LRMDA: variants seen among roughly 807,000 people sequenced by gnomAD.
LRMDA encodes leucine rich melanocyte differentiation associated, also known as leucine-rich melanocyte differentiation-associated protein.
A neutral mutation model predicts 29.8 loss-of-function variants in LRMDA; 18 were observed. That is an observed-to-expected ratio of 0.60 (90% confidence interval 0.42 to 0.90). The LOEUF (loss-of-function observed/expected upper bound fraction) is 0.90. Among genes scored for constraint, LRMDA ranks in the 40% least tolerant of loss-of-function variants. The pLI, the probability that LRMDA is intolerant of heterozygous loss-of-function variation, is 0.00. For synonymous variants in LRMDA, 125 were observed against 109.4 expected, an observed-to-expected ratio of 1.14 and a Z score of -0.89; for missense variants, 273 against 273.9, an observed-to-expected ratio of 1.00 and a Z score of 0.02.
intron 5 of LRMDA, among the ~76,000 whole-genome samples, chr10:76,210,756 G>A (rs371807769): frequency 2.0e-4 from 31 of 152,216 alleles, no homozygotes; most frequent in African/African-American, 5.3e-4. Flanking sequence ...CAGTTTCTCC[G>A]CATCTCTAAC....
intron 2 of LRMDA, among the ~76,000 whole-genome samples, chr10:75,779,894 G>A (rs1292647985): frequency 6.6e-6 from 1 of 152,134 alleles, no homozygotes; most frequent in Non-Finnish European, 1.5e-5. Flanking sequence ...TAGATTCTTT[G>A]CAGATATAGT....
chr10:76,212,733 G>A (rs928776659), intron 5 of LRMDA, among the ~76,000 whole-genome samples: 1 of 152,128 alleles, frequency 6.6e-6, no homozygotes, highest in Non-Finnish European at 1.5e-5. Flanking sequence ...TACATTGTGG[G>A]GACCACTAAG....
intron 2 of LRMDA, among the ~76,000 whole-genome samples, chr10:75,445,980 G>C (rs1442609206): frequency 6.6e-6 from 1 of 152,238 alleles, no homozygotes; most frequent in Non-Finnish European, 1.5e-5. Flanking sequence ...GCCGGGATGA[G>C]GGTAAAGGGC....
chr10:75,571,716 G>A lies in LRMDA; in HGVS notation c.131+133222G>A, dbSNP rs146331739. Among the ~76,000 whole-genome samples the A allele has an allele frequency of 8.9e-3, 1,354 of 152,206 alleles. 45 individuals are homozygous for A. The highest frequency in any genetic ancestry group is 5.1e-3 in the Non-Finnish European group (348 of 68,018). On this transcript the variant is annotated intron_variant, in intron 2 of 6. Transcript: ENST00000611255. The stretch of plus-strand genomic sequence containing the variant: ...AACAGATGGTTCTACTTTTCCATTA[G>A]ATTCTGTCAAGTCTACAAGAGACTT...
intron 6 of LRMDA, among the ~76,000 whole-genome samples, chr10:76,452,615 G>A (rs2132301032): frequency 6.6e-6 from 1 of 152,250 alleles, no homozygotes; most frequent in African/African-American, 2.4e-5. Context: ...ACGTATAGTG[G>A]GCTAGCAAGA....
intron 6 of LRMDA, among the ~76,000 whole-genome samples, chr10:76,336,169 C>G (rs1056675710): frequency 6.6e-6 from 1 of 151,410 alleles, no homozygotes; most frequent in Non-Finnish European, 1.5e-5. Flanking sequence ...TTGAGGTAGC[C>G]TGAAGGAAGT....
chr10:75,580,388 C>A (rs1265495198), intron 2 of LRMDA, among the ~76,000 whole-genome samples: 1 of 152,026 alleles, frequency 6.6e-6, no homozygotes, highest in African/African-American at 2.4e-5. Context: ...TCTTCGAGAA[C>A]TACAAACCAC....
At chr10:76,310,361 G>A (rs1373084467) in intron 5 of LRMDA, among the ~76,000 whole-genome samples, 1 of 152,168 alleles carries the variant, frequency 6.6e-6, no homozygotes, top group African/African-American at 2.4e-5. Context: ...AATCAGTAAT[G>A]CTCAGCCTTT....
intron 5 of LRMDA, among the ~76,000 whole-genome samples, chr10:76,316,355 G>A (rs1840698818): frequency 6.6e-6 from 1 of 152,046 alleles, no homozygotes; most frequent in Non-Finnish European, 1.5e-5. Context: ...ACTTGGAGCT[G>A]CCTGCCCCAC....
intron 6 of LRMDA, among the ~76,000 whole-genome samples, chr10:76,457,569 T>C (rs996688445): frequency 6.6e-6 from 1 of 152,142 alleles, no homozygotes; most frequent in Non-Finnish European, 1.5e-5. Flanking sequence ...TGAAGTTCTG[T>C]ATGGTATTCC....
At chr10:75,764,312 C>T (rs1220855256) in intron 2 of LRMDA, among the ~76,000 whole-genome samples, 1 of 152,172 alleles carries the variant, frequency 6.6e-6, no homozygotes, top group Non-Finnish European at 1.5e-5. Flanking sequence ...GGGAAAATGG[C>T]ATTTTCCAGC....
At chr10:76,307,746 C>T (rs1840576031) in intron 5 of LRMDA, among the ~76,000 whole-genome samples, 1 of 152,064 alleles carries the variant, frequency 6.6e-6, no homozygotes. Flanking sequence ...TGGTGAGGTA[C>T]AGATGTGGGG....
intron 6 of LRMDA, among the ~76,000 whole-genome samples, chr10:76,516,727 T>C (rs562750613): frequency 6.6e-6 from 1 of 152,346 alleles, no homozygotes; most frequent in East Asian, 1.9e-4. Context: ...CACATTTTCT[T>C]AATCCAGTCT....
At chr10:76,010,607 C>T (rs933986033) in intron 2 of LRMDA, among the ~76,000 whole-genome samples, 2 of 152,188 alleles carry the variant, frequency 1.3e-5, no homozygotes, top group African/African-American at 2.4e-5. Flanking sequence ...CCACTGTGCC[C>T]AGGCTATATC....
chr10:75,646,903 A>G (rs1841528977), intron 2 of LRMDA, among the ~76,000 whole-genome samples: 1 of 152,250 alleles, frequency 6.6e-6, no homozygotes. Context: ...ATACAGCCGT[A>G]TGGGCTGCTT....
rs561272133 is a variant in LRMDA, at chr10:75,906,360, A to T, written c.132-129648A>T. 2.6e-5 allele frequency among the ~76,000 whole-genome samples: 4 copies of T among 152,240 alleles called. No homozygotes were observed. The South Asian group carries it at 8.3e-4, about 32-fold the overall frequency. ...TCACATGTTTAAAACCAGCACCATTATCTCCATTAGCTTTATTTTGCCCCT... is the reference window on the plus strand; with the variant it reads ...TCACATGTTTAAAACCAGCACCATTTTCTCCATTAGCTTTATTTTGCCCCT... On this transcript the variant is annotated intron_variant, in intron 2 of 6. Transcript: ENST00000611255.
At chr10:76,516,830 T>G (rs1216264336) in intron 6 of LRMDA, among the ~76,000 whole-genome samples, 2 of 152,354 alleles carry the variant, frequency 1.3e-5, no homozygotes, top group East Asian at 3.9e-4. Context: ...TATAGCAGCA[T>G]GATTTATAAT....
intron 6 of LRMDA, among the ~76,000 whole-genome samples, chr10:76,373,806 C>G (rs1841484419): frequency 6.6e-6 from 1 of 152,058 alleles, no homozygotes; most frequent in Admixed American, 6.6e-5. Flanking sequence ...TCAAACTTTG[C>G]AAGTATTTAT....
At chr10:75,657,866 T>A (rs945874328) in intron 2 of LRMDA, among the ~76,000 whole-genome samples, 1 of 152,082 alleles carries the variant, frequency 6.6e-6, no homozygotes, top group African/African-American at 2.4e-5. Flanking sequence ...TTTTCTTAAT[T>A]TTTATCCTTT....
Sources: allele counts gnomAD v4.1 joint callset (sites outside exome capture counted in the v4.1 genomes callset), GRCh38; gene constraint gnomAD v4.1.1; transcripts MANE v1.5; gene names NCBI Gene and HGNC (gene_info 2026-07-23, HGNC 2026-07-21).